CDH13: variants seen among roughly 807,000 people sequenced by gnomAD.
The protein encoded by CDH13 is cadherin 13.
In CDH13, 24 loss-of-function variants were observed where a neutral mutation model predicts 63.8. That is an observed-to-expected ratio of 0.38 (90% confidence interval 0.27 to 0.53). CDH13 has a LOEUF of 0.53. Ranked by LOEUF, CDH13 falls within the 20% of genes least tolerant of loss-of-function variation. The pLI is 0.85. For missense variants in CDH13, 1,049 were observed against 903.1 expected (o/e 1.16, Z -2.07); for synonymous variants, 503 against 355.3 (o/e 1.42, Z -4.67).
At chr16:83,035,169 A>G (rs1194946022) in intron 3 of CDH13, among the ~76,000 whole-genome samples, 2 of 152,210 alleles carry the variant, frequency 1.3e-5, no homozygotes, top group African/African-American at 4.8e-5. Context: ...CACATACCTC[A>G]ATGGATATGC....
rs556347163 is a variant in CDH13, at chr16:83,047,618, G to A, written c.366+15400G>A. 6.6e-6 allele frequency among the ~76,000 whole-genome samples: 1 copy of A among 152,164 alleles called. No individual in the cohort carries two copies. Among genetic ancestry groups the A allele is most frequent in the Non-Finnish European group, 1.5e-5 (1 of 68,042 alleles). ...AAATTCTGCATAAATAAAATAATAT[G>A]CTCCATAATGGCAGAGATTTGACTG... is the stretch of plus-strand genomic sequence containing the variant. On this transcript the variant is annotated intron_variant, in intron 3 of 13. Transcript: ENST00000567109. The surrounding 1 kb of genome is among the most constrained non-coding windows in gnomAD (Gnocchi z 4.9).
chr16:83,787,420 C>G (rs951194524), intron 13 of CDH13, among the ~76,000 whole-genome samples: 1 of 152,232 alleles, frequency 6.6e-6, no homozygotes, highest in African/African-American at 2.4e-5. Context: ...CCACAGCGTT[C>G]CTTGGCTGAA....
Position 83,619,402 on chromosome 16 carries a change from G to T in CDH13, c.1101+16808G>T, listed in dbSNP as rs1909597435. Among the ~76,000 whole-genome samples, 2 of 152,214 alleles carry T rather than the reference G, an allele frequency of 1.3e-5. 1 individual carries two copies. The highest frequency in any genetic ancestry group is 4.1e-4 in the South Asian group (2 of 4,832). Reference sequence around the variant, plus strand: ...GCTCAGGGAGGGCTTCTCAGAGGAGGTGACTGTATTCATTTCCTGGGCTGC... The same window carrying T: ...GCTCAGGGAGGGCTTCTCAGAGGAGTTGACTGTATTCATTTCCTGGGCTGC... On this transcript the variant is annotated intron_variant, in intron 8 of 13. Transcript: ENST00000567109.
Position 83,715,134 on chromosome 16 carries a change from A to G in CDH13, c.1539-32974A>G, listed in dbSNP as rs140573563. On this transcript the variant is annotated intron_variant, in intron 10 of 13. Coordinates refer to ENST00000567109, the MANE Select transcript of CDH13 (RefSeq NM_001257.5). ...ATAAATACCCCCACCTTATTCCACA[A>G]AAGATATGAAATGGAGCTTTATTGC... 3.3e-5 allele frequency among the ~76,000 whole-genome samples: 5 copies of G among 152,308 alleles called. No homozygotes were observed. In the East Asian group the frequency reaches 9.7e-4, roughly 29 times the overall value.
intron 4 of CDH13, among the ~76,000 whole-genome samples, chr16:83,152,802 T>C (rs541237233): frequency 1.2e-3 from 179 of 152,298 alleles, no homozygotes; most frequent in African/African-American, 4.2e-3. Context: ...GTGGCAGATA[T>C]AATTAGTTAA....
intron 1 of CDH13, among the ~76,000 whole-genome samples, chr16:82,659,026 G>A (rs1911626816): frequency 6.6e-6 from 1 of 152,172 alleles, no homozygotes; most frequent in African/African-American, 2.4e-5. Context: ...CCCAGGCTTA[G>A]CTCACAAAAG....
At chr16:82,678,888 G>T (rs1429653365) in intron 1 of CDH13, among the ~76,000 whole-genome samples, 1 of 152,144 alleles carries the variant, frequency 6.6e-6, no homozygotes, top group African/African-American at 2.4e-5. Context: ...CCTGCCCTCA[G>T]CCTAGAAAGA....
intron 2 of CDH13, among the ~76,000 whole-genome samples, chr16:82,946,784 G>A (rs1380335549): frequency 6.6e-6 from 1 of 151,984 alleles, no homozygotes; most frequent in South Asian, 2.1e-4. Context: ...CAACATATCT[G>A]ATTTATGGTT....
At chr16:82,970,182 G>A (rs1191404288) in intron 2 of CDH13, among the ~76,000 whole-genome samples, 1 of 151,524 alleles carries the variant, frequency 6.6e-6, no homozygotes. Flanking sequence ...TGTGGTATTT[G>A]GTTTTCTGTT....
At chr16:83,403,428 C>T (rs1008878057) in intron 6 of CDH13, among the ~76,000 whole-genome samples, 1 of 152,024 alleles carries the variant, frequency 6.6e-6, no homozygotes, top group Non-Finnish European at 1.5e-5. Flanking sequence ...TCGAGAGCAT[C>T]CTGGCTAACA....
At chr16:83,236,247 A>ACACACACG in intron 5 of CDH13, among the ~76,000 whole-genome samples, 1 of 151,610 alleles carries the variant, frequency 6.6e-6, no homozygotes, top group East Asian at 1.9e-4. Context: ...GCACACACAC[A>ACACACACG]CACACACACA....
At chr16:83,066,452 T>G (rs570354722) in intron 3 of CDH13, among the ~76,000 whole-genome samples, 2 of 152,306 alleles carry the variant, frequency 1.3e-5, no homozygotes, top group African/African-American at 4.8e-5. Flanking sequence ...GGAGGCCTTC[T>G]GACCGAGGAC....
chr16:82,909,030 C>G (rs758503256), intron 2 of CDH13, among the ~76,000 whole-genome samples: 1 of 152,154 alleles, frequency 6.6e-6, no homozygotes, highest in Non-Finnish European at 1.5e-5. Context: ...TGAAACCAAT[C>G]TTCTCCATAT....
rs1225282022 is a variant in CDH13 at position 82,653,800 on chromosome 16, C to G, written c.45+26663C>G. Among the ~76,000 whole-genome samples, 3 of 152,066 alleles carry G rather than the reference C, an allele frequency of 2.0e-5. No individual in the cohort carries two copies. The South Asian group carries it at 6.2e-4, about 32-fold the overall frequency. On this transcript the variant is annotated intron_variant, in intron 1 of 13. Transcript: ENST00000567109. ...TTTTCCAATGATCAGCATGCTTGTGCCTGCACCGGGGCGCAGGATGGGAGA... is the reference window on the plus strand; with the variant it reads ...TTTTCCAATGATCAGCATGCTTGTGGCTGCACCGGGGCGCAGGATGGGAGA...
At chr16:82,980,652 A>G (rs1910141288) in intron 2 of CDH13, among the ~76,000 whole-genome samples, 1 of 152,188 alleles carries the variant, frequency 6.6e-6, no homozygotes, top group Non-Finnish European at 1.5e-5. Context: ...CTCTAGTAGA[A>G]GAAACAGACT....
intron 3 of CDH13, among the ~76,000 whole-genome samples, chr16:83,107,734 G>GT (rs111272961): frequency 0.029 from 3,930 of 137,436 alleles, 119 homozygotes; most frequent in African/African-American, 0.082. Context: ...TTTTAGGTGG[G>GT]TTTTTTTTTT....
chr16:82,809,829 C>G (rs1418070628), intron 1 of CDH13, among the ~76,000 whole-genome samples: 3 of 152,046 alleles, frequency 2.0e-5, no homozygotes, highest in Admixed American at 2.0e-4. Context: ...AAAAATAATT[C>G]TTTCTGGACA....
intron 11 of CDH13, among the ~76,000 whole-genome samples, chr16:83,777,753 C>T (rs549804813): frequency 3.9e-5 from 6 of 152,348 alleles, no homozygotes; most frequent in South Asian, 2.1e-4. Flanking sequence ...ACTCACTACC[C>T]TTCTAACCCC....
intron 6 of CDH13, among the ~76,000 whole-genome samples, chr16:83,428,427 C>T (rs1489350631): frequency 6.6e-6 from 1 of 151,206 alleles, no homozygotes; most frequent in Non-Finnish European, 1.5e-5. Context: ...GTTTGTTTTT[C>T]CATTGACAAG....
Sources: allele counts gnomAD v4.1 joint callset (sites outside exome capture counted in the v4.1 genomes callset), GRCh38; gene constraint gnomAD v4.1.1; non-coding constraint Gnocchi (gnomAD v3.1); transcripts MANE v1.5; gene names NCBI Gene and HGNC (gene_info 2026-07-23, HGNC 2026-07-21).